The following PAX6 variants were observed in gnomAD, a reference collection of about 807,000 sequenced individuals.
PAX6 encodes paired box 6, also known as paired box protein Pax-6.
PAX6 carries 7 observed loss-of-function variants against 60.7 expected under a neutral mutation model. The ratio of observed to expected loss-of-function variants is 0.12; its 90% confidence interval spans 0.07 to 0.22. The LOEUF (loss-of-function observed/expected upper bound fraction) is 0.22, where lower values mean the gene tolerates loss of function less well. Ranked by LOEUF, PAX6 falls within the 10% of genes least tolerant of loss-of-function variation. The pLI, the probability that PAX6 is intolerant of heterozygous loss-of-function variation, is 1.00. For synonymous variants in PAX6, 208 were observed against 201.2 expected (o/e 1.03, Z -0.29); for missense variants, 355 against 555.2 (o/e 0.64, Z 3.62).
At chr11:31,815,884 T>C (rs951782388), upstream of PAX6, among the ~76,000 whole-genome samples, 1 of 152,128 alleles carries the variant, frequency 6.6e-6, no homozygotes, top group Non-Finnish European at 1.5e-5. Context: ...GGAAAACCGC[T>C]GCCCGGGGGA....
intron 4 of PAX6, 175 bp downstream of exon 4, chr11:31,806,227 C>T (rs1955758380): frequency 3.3e-6 from 2 of 604,962 alleles, no homozygotes; most frequent in Non-Finnish European, 5.6e-6. Context: ...GCCAAGCAAA[C>T]GCCCTCCCCT....
At chr11:31,804,269 C>T (rs530484133) in intron 4 of PAX6, 8 of 152,236 alleles carry the variant, frequency 5.3e-5, no homozygotes, top group Admixed American at 1.3e-4. Flanking sequence ...AGCCTTGTCA[C>T]TTTGTGACAG....
chr11:31,793,632 G>C lies in PAX6; in HGVS notation c.958+20C>G. On this transcript the variant is annotated intron_variant, in intron 11 of 13. Coordinates refer to ENST00000640368, the MANE Select transcript of PAX6 (RefSeq NM_001368894.2). ...ACAGGTTTAAAGACATTGATTCGTA[G>C]TATTAGTATTTCAAATTACCCGGTG... 1 of 1,614,114 alleles carries C rather than the reference G, an allele frequency of 6.2e-7. No homozygotes were observed. Among genetic ancestry groups the C allele is most frequent in the Non-Finnish European group, 8.5e-7 (1 of 1,179,924 alleles).
At chr11:31,800,909 T>A in intron 7 of PAX6, 53 bp from the exon 8 acceptor site, 1 of 1,558,174 alleles carries the variant, frequency 6.4e-7, no homozygotes, top group South Asian at 1.1e-5. Flanking sequence ...GAAGACACAG[T>A]CACCCATCTC....
At chr11:31,790,105 A>AC (rs1949325118) in intron 13 of PAX6, 86 bp from the exon 14 acceptor site, 1 of 778,728 alleles carries the variant, frequency 1.3e-6, no homozygotes, top group African/African-American at 1.8e-5. Flanking sequence ...TACAAAAAAA[A>AC]AAAAAAAAAA....
intron 2 of PAX6, chr11:31,810,351 C>G (rs1956805052): frequency 6.6e-6 from 1 of 152,476 alleles, no homozygotes; most frequent in South Asian, 2.1e-4. Flanking sequence ...GGCGAGTCCT[C>G]GGAGCGCCCG....
chr11:31,802,600 T>TG (rs955606698), intron 5 of PAX6, 104 bp downstream of exon 5: 97 of 1,133,992 alleles, frequency 8.6e-5, no homozygotes, highest in African/African-American at 3.9e-4. Flanking sequence ...TGGGTGAGGG[T>TG]GGGGGGGTCC....
chr11:31,808,112 T>A, intron 2 of PAX6: 1 of 151,956 alleles, frequency 6.6e-6, no homozygotes, highest in East Asian at 1.9e-4. Flanking sequence ...AGAGGTAAAA[T>A]AACAAAACAG....
chr11:31,813,666 G>A (rs1163001001), upstream of PAX6, among the ~76,000 whole-genome samples: 7 of 152,094 alleles, frequency 4.6e-5, no homozygotes, highest in African/African-American at 9.7e-5. Flanking sequence ...GGTGGGGAAG[G>A]GGGCTCCGGG....
intron 2 of PAX6, 60 bp downstream of exon 2, chr11:31,810,768 G>A (rs1021720254): frequency 5.0e-6 from 2 of 398,724 alleles, no homozygotes; most frequent in Non-Finnish European, 4.4e-6. Context: ...GGGGGAGGAA[G>A]GGGGAGACCT....
intron 7 of PAX6, 104 bp from the exon 8 acceptor site, chr11:31,800,960 A>G: frequency 8.1e-7 from 1 of 1,227,028 alleles, no homozygotes; most frequent in Non-Finnish European, 1.2e-6. Context: ...CAACCCGTTA[A>G]AAAGCTCCCA....
intron 5 of PAX6, chr11:31,802,148 G>A (rs560272719): frequency 1.8e-6 from 1 of 544,058 alleles, no homozygotes; most frequent in South Asian, 2.5e-5. Flanking sequence ...GCTTAAAGTG[G>A]CGTTATGTTT....
intron 8 of PAX6, among the ~76,000 whole-genome samples, chr11:31,795,826 G>A (rs1192482764): frequency 6.6e-6 from 1 of 152,234 alleles, no homozygotes; most frequent in Non-Finnish European, 1.5e-5. Context: ...ACTCTGACTG[G>A]GCCTCCAGGG....
upstream of PAX6, chr11:31,811,443 T>C (rs2135417283): frequency 2.6e-6 from 1 of 389,516 alleles, no homozygotes; most frequent in Non-Finnish European, 4.5e-6. Context: ...TGTTTGAATA[T>C]GAATACACTT....
chr11:31,798,547 G>C (rs1565222947), intron 8 of PAX6, among the ~76,000 whole-genome samples: 2 of 152,170 alleles, frequency 1.3e-5, no homozygotes, highest in Non-Finnish European at 2.9e-5. Flanking sequence ...ACCGGTGCCC[G>C]CTACCCCCAC....
At chr11:31,814,742 T>G (rs545898100), upstream of PAX6, 1 of 152,538 alleles carries the variant, frequency 6.6e-6, no homozygotes, top group Non-Finnish European at 1.5e-5. Flanking sequence ...TTCCAGGCCT[T>G]TGTCCCTCTC....
intron 2 of PAX6, chr11:31,808,493 C>T (rs1024705465): frequency 6.6e-6 from 1 of 152,184 alleles, no homozygotes; most frequent in African/African-American, 2.4e-5. Context: ...AATGCAGGAC[C>T]CTGAAGCTGC....
chr11:31,804,085 A>G (rs1954974314), intron 4 of PAX6: 1 of 152,220 alleles, frequency 6.6e-6, no homozygotes, highest in Admixed American at 6.5e-5. Flanking sequence ...CTTAGCAATA[A>G]ATAAGCTCCA....
upstream of PAX6, among the ~76,000 whole-genome samples, chr11:31,815,777 A>AT (rs1424796718): frequency 6.6e-6 from 1 of 151,502 alleles, no homozygotes; most frequent in Non-Finnish European, 1.5e-5. Context: ...TCTCCAAAAA[A>AT]AAAAAAAAAA....
Sources: allele counts gnomAD v4.1 joint callset (sites outside exome capture counted in the v4.1 genomes callset), GRCh38; gene constraint gnomAD v4.1.1; transcripts MANE v1.5; gene names NCBI Gene and HGNC (gene_info 2026-07-23, HGNC 2026-07-21).